Variants in TLE4 observed in about 807,000 individuals in gnomAD.
The protein encoded by TLE4 is transducin-like enhancer protein 4.
Under a neutral mutation model 92.8 loss-of-function variants are expected in TLE4, and 8 were observed. The ratio of observed to expected loss-of-function variants is 0.09; its 90% CI spans 0.05 to 0.16. The LOEUF is 0.16. Among genes scored for constraint, TLE4 ranks in the 10% least tolerant of loss-of-function variants. TLE4 has a pLI of 1.00. For missense variants in TLE4, 675 were observed against 997.6 expected, an observed-to-expected ratio of 0.68 and a Z score of 4.36; for synonymous variants, 371 against 374.1, an observed-to-expected ratio of 0.99 and a Z score of 0.10.
rs766946722 is a variant in TLE4 at position 79,688,281 on chromosome 9, G to A, written c.610-16502G>A. 2.0e-5 allele frequency among the ~76,000 whole-genome samples: 3 copies of A among 152,048 alleles called. No individual in the cohort carries two copies. In the South Asian group the frequency reaches 6.2e-4, roughly 32 times the overall value. On this transcript the variant is annotated intron_variant, in intron 8 of 19. Coordinates refer to ENST00000376552, the MANE Select transcript of TLE4 (RefSeq NM_007005.6). ...ACTATCTAATGCCTAATTAGAATTA[G>A]CCTTCAGGTTACATAGTTTTTGTGA...
intron 5 of TLE4, among the ~76,000 whole-genome samples, chr9:79,624,869 G>T (rs889501201): frequency 1.4e-4 from 22 of 152,190 alleles, no homozygotes; most frequent in African/African-American, 4.8e-4. Context: ...ACAATAGGGA[G>T]AATTGGTAGA....
At chr9:79,675,507 T>A (rs2063117097) in intron 8 of TLE4, among the ~76,000 whole-genome samples, 1 of 152,208 alleles carries the variant, frequency 6.6e-6, no homozygotes, top group African/African-American at 2.4e-5. Context: ...TTTGTGAATC[T>A]ACATGAAAAC....
intron 8 of TLE4, among the ~76,000 whole-genome samples, chr9:79,702,583 G>A (rs1027404783): frequency 6.6e-6 from 1 of 152,186 alleles, no homozygotes; most frequent in African/African-American, 2.4e-5. Flanking sequence ...CGTTTGGCTC[G>A]TAATGTTTTG....
Position 79,725,358 on chromosome 9 carries a change from C to T in TLE4, c.*214C>T, listed in dbSNP as rs2076288097. 2.3e-6 allele frequency: 1 copy of T among 430,610 alleles called. No homozygotes were observed. The highest frequency in any genetic ancestry group is 4.2e-6 in the Non-Finnish European group (1 of 236,632). The allele number at this position is 430,610 out of a possible 1,614,324, so 26.7% of individuals were successfully genotyped here. A position where few individuals can be genotyped will look rare whatever the true frequency, so the allele number is the denominator to read the frequency against. ...GTGATACCAAATCTTCAGCTGTCTACTTGGAAGAACATGGAATAAGCATAC... is the reference window on the plus strand; with the variant it reads ...GTGATACCAAATCTTCAGCTGTCTATTTGGAAGAACATGGAATAAGCATAC... On this transcript the variant is annotated 3_prime_UTR_variant, in exon 20 of 20. Coordinates refer to ENST00000376552, the MANE Select transcript of TLE4 (RefSeq NM_007005.6).
At position 79,604,874 on chromosome 9, in the gene TLE4, G is replaced by A. The variant is rs982246428; in HGVS notation, c.253-7782G>A. On this transcript the variant is annotated intron_variant, in intron 4 of 19. Transcript: ENST00000376552. The stretch of plus-strand genomic sequence containing the variant: ...GGAAAAATCAAGATGAATAATCTCC[G>A]TTTACTCTGGGAACAAGGAGTATCT... 4.6e-5 allele frequency among the ~76,000 whole-genome samples: 7 copies of A among 152,100 alleles called. No homozygotes were observed. In the South Asian group the frequency reaches 8.3e-4, roughly 18 times the overall value.
At chr9:79,654,660 A>T (rs1342176941) in intron 8 of TLE4, among the ~76,000 whole-genome samples, 1 of 152,142 alleles carries the variant, frequency 6.6e-6, no homozygotes, top group African/African-American at 2.4e-5. Context: ...CTTTATAGAC[A>T]AGTTGTAGGG....
intron 5 of TLE4, among the ~76,000 whole-genome samples, chr9:79,613,653 C>A (rs542196792): frequency 6.6e-6 from 1 of 152,100 alleles, no homozygotes; most frequent in East Asian, 1.9e-4. Flanking sequence ...TTCTTCCTAC[C>A]CTTTCAGTTG....
intron 6 of TLE4, among the ~76,000 whole-genome samples, chr9:79,639,087 A>G (rs1229428644): frequency 2.0e-5 from 3 of 152,210 alleles, no homozygotes. Context: ...CTGCATTTTA[A>G]TATGGTTATG....
At chr9:79,637,873 G>A (rs763633538) in intron 6 of TLE4, among the ~76,000 whole-genome samples, 19 of 151,984 alleles carry the variant, frequency 1.3e-4, no homozygotes, top group Non-Finnish European at 2.5e-4. Flanking sequence ...TGGTAGGAGA[G>A]GAGTATGTAT....
chr9:79,699,562 T>C (rs559358285), intron 8 of TLE4, among the ~76,000 whole-genome samples: 1 of 152,340 alleles, frequency 6.6e-6, no homozygotes, highest in Admixed American at 6.5e-5. Context: ...ATTTATCTGT[T>C]TGAAAACTGA....
intron 8 of TLE4, among the ~76,000 whole-genome samples, chr9:79,678,779 AC>A (rs2063801792): frequency 1.3e-5 from 1 of 77,768 alleles, no homozygotes; most frequent in Non-Finnish European, 2.5e-5. Context: ...CCCTGCCCCC[AC>A]CCTACAACAG....
intron 6 of TLE4, among the ~76,000 whole-genome samples, chr9:79,647,906 G>A (rs767357261): frequency 3.9e-5 from 6 of 151,954 alleles, no homozygotes; most frequent in Non-Finnish European, 5.9e-5. Context: ...TGTCTCCACC[G>A]AGAAAGTAGG....
chr9:79,705,805 T>C (rs1394409169), intron 9 of TLE4, 84 bp from the exon 10 acceptor site: 33 of 1,302,432 alleles, frequency 2.5e-5, no homozygotes, highest in East Asian at 4.6e-5. Flanking sequence ...TTATAAGATA[T>C]GAGGAATTAG....
At chr9:79,580,598 C>T (rs2039376218) in intron 4 of TLE4, among the ~76,000 whole-genome samples, 1 of 151,582 alleles carries the variant, frequency 6.6e-6, no homozygotes, top group Non-Finnish European at 1.5e-5. Flanking sequence ...TTCAACCTTG[C>T]CAGTTTTTTG....
chr9:79,647,933 A>C (rs1233294505), intron 6 of TLE4, among the ~76,000 whole-genome samples: 1 of 150,438 alleles, frequency 6.6e-6, no homozygotes, highest in African/African-American at 2.4e-5. Flanking sequence ...TTTAGCTTGG[A>C]AGGATGGGTA....
intron 7 of TLE4, 158 bp downstream of exon 7, chr9:79,652,952 G>T: frequency 3.5e-6 from 3 of 853,090 alleles, no homozygotes; most frequent in South Asian, 2.7e-5. Context: ...GTAGTCAATT[G>T]CCAAATGATA....
chr9:79,596,023 T>C (rs1053297089), intron 4 of TLE4, among the ~76,000 whole-genome samples: 2 of 151,818 alleles, frequency 1.3e-5, no homozygotes, highest in Non-Finnish European at 2.9e-5. Context: ...TTTTTTTGTA[T>C]TTTTAGTAGA....
chr9:79,685,770 G>T (rs2065717647), intron 8 of TLE4, among the ~76,000 whole-genome samples: 1 of 152,160 alleles, frequency 6.6e-6, no homozygotes, highest in South Asian at 2.1e-4. Flanking sequence ...AAGAGTGCAT[G>T]ATTTTTGTTT....
At chr9:79,607,765 T>G (rs529914034) in intron 4 of TLE4, among the ~76,000 whole-genome samples, 1 of 152,146 alleles carries the variant, frequency 6.6e-6, no homozygotes, top group Admixed American at 6.5e-5. Flanking sequence ...TACCATGCTG[T>G]TTTGGTACCA....
Sources: gnomAD v4.1 joint callset for allele counts (sites outside exome capture counted in the v4.1 genomes callset) on GRCh38, gnomAD v4.1.1 for gene constraint, MANE v1.5 for transcripts, NCBI Gene and HGNC (gene_info 2026-07-23, HGNC 2026-07-21) for gene names.